SV2C: variants seen among roughly 807,000 people sequenced by gnomAD.
SV2C encodes synaptic vesicle glycoprotein 2C, also known as solute carrier family 22 member B3.
Under a neutral mutation model 79.7 loss-of-function variants are expected in SV2C, and 49 were observed. That is an observed-to-expected ratio of 0.61 (90% CI 0.49 to 0.78). The LOEUF (loss-of-function observed/expected upper bound fraction) is 0.78, where lower values mean the gene tolerates loss of function less well. Ranked by LOEUF, SV2C falls within the 30% of genes least tolerant of loss-of-function variation. SV2C has a pLI of 0.00. For missense variants in SV2C, 833 were observed against 912.9 expected (o/e 0.91, Z 1.13); for synonymous variants, 334 against 333.2 (o/e 1.00, Z -0.03).
chr5:76,026,381 T>C, the SV2C span, among the ~76,000 whole-genome samples: 2 of 152,180 alleles, frequency 1.3e-5, no homozygotes, highest in Non-Finnish European at 1.5e-5. Flanking sequence ...CTATTGACCA[T>C]ACAAATAATT....
At chr5:76,173,713 G>T (rs749345751) in intron 2 of SV2C, 1 of 1,613,580 alleles carries the variant, frequency 6.2e-7, no homozygotes, top group Non-Finnish European at 8.5e-7. Context: ...GGTCATAAAA[G>T]ATCTCATTAA....
chr5:75,916,303 C>CCCCTTT, the SV2C span, among the ~76,000 whole-genome samples: 1 of 141,408 alleles, frequency 7.1e-6, no homozygotes, highest in African/African-American at 2.6e-5. Flanking sequence ...CCTTCCCCTT[C>CCCCTTT]CCCTTTCTCG....
At chr5:76,038,826 A>G in the SV2C span, among the ~76,000 whole-genome samples, 588 of 152,372 alleles carry the variant, frequency 3.9e-3, 4 homozygotes, top group Non-Finnish European at 4.3e-3. Flanking sequence ...GCTTCTTTGC[A>G]TTAATGAATA....
the SV2C span, among the ~76,000 whole-genome samples, chr5:76,059,471 T>A: frequency 6.9e-6 from 1 of 145,854 alleles, no homozygotes; most frequent in East Asian, 2.1e-4. Context: ...AGGAGTAGAT[T>A]CCATCTGAAG....
the SV2C span, among the ~76,000 whole-genome samples, chr5:75,955,539 A>T: frequency 6.8e-6 from 1 of 147,570 alleles, no homozygotes; most frequent in South Asian, 2.1e-4. Flanking sequence ...GCCAAAATTG[A>T]CAAATGGGAT....
chr5:76,109,733 C>T (rs1375772092), intron 1 of SV2C, among the ~76,000 whole-genome samples: 5 of 152,094 alleles, frequency 3.3e-5, no homozygotes, highest in African/African-American at 9.7e-5. Context: ...TGCTGGCCAC[C>T]GTGGGAAGCT....
At chr5:76,323,803 C>T (rs1748902141) in intron 12 of SV2C, among the ~76,000 whole-genome samples, 1 of 152,112 alleles carries the variant, frequency 6.6e-6, no homozygotes. Flanking sequence ...AACCAAACAC[C>T]GATTGTTCTC....
rs757626036 is a variant in SV2C at position 76,299,527 on chromosome 5, C to T, written c.1636+600C>T. Among the ~76,000 whole-genome samples, 3 of 152,226 alleles carry T rather than the reference C, an allele frequency of 2.0e-5. No individual in the cohort carries two copies. In the East Asian group the frequency reaches 5.8e-4, roughly 29 times the overall value. ...AACTAGTAATAACAGATGTTTGAAC[C>T]CAGATTTATTTGATTTCAAAGCCTG... On this transcript the variant is annotated intron_variant, in intron 10 of 12. Transcript: ENST00000502798.
At chr5:76,286,130 A>G (rs1390085041) in intron 6 of SV2C, among the ~76,000 whole-genome samples, 1 of 152,174 alleles carries the variant, frequency 6.6e-6, no homozygotes, top group Non-Finnish European at 1.5e-5. Flanking sequence ...ATGCCTATCT[A>G]GGACTCGAGG....
At chr5:76,048,999 G>GAAAGAAAGAAAGAAAGAAAGAA in the SV2C span, among the ~76,000 whole-genome samples, 1 of 86,308 alleles carries the variant, frequency 1.2e-5, no homozygotes, top group Non-Finnish European at 2.3e-5. Flanking sequence ...AAGAAAGAAA[G>GAAAGAAAGAAAGAAAGAAAGAA]AAAGAAAGAA....
chr5:76,015,736 A>T, the SV2C span, among the ~76,000 whole-genome samples: 2 of 152,306 alleles, frequency 1.3e-5, no homozygotes, highest in South Asian at 4.1e-4. Flanking sequence ...AATAAAATTT[A>T]ACAACATGCT....
rs1358850514 is a variant in SV2C at position 76,236,156 on chromosome 5, C to G, written c.913+26269C>G. On this transcript the variant is annotated intron_variant, in intron 4 of 12. Coordinates refer to ENST00000502798, the MANE Select transcript of SV2C (RefSeq NM_014979.4). ...CTAAGACAACTCTTTAGTTATCAAACAAAACTGGCTCTGTGGCACAATGGA... is the reference window on the plus strand; with the variant it reads ...CTAAGACAACTCTTTAGTTATCAAAGAAAACTGGCTCTGTGGCACAATGGA... Among the ~76,000 whole-genome samples, 6 of 152,186 alleles carry G rather than the reference C, an allele frequency of 3.9e-5. No homozygotes were observed. In the East Asian group the frequency reaches 1.2e-3, roughly 29 times the overall value.
intron 9 of SV2C, among the ~76,000 whole-genome samples, chr5:76,297,784 T>C (rs1351869557): frequency 1.3e-5 from 2 of 152,196 alleles, no homozygotes; most frequent in African/African-American, 4.8e-5. Context: ...AAGTACTCAA[T>C]AGTTAGTAAA....
chr5:76,024,371 G>A, the SV2C span, among the ~76,000 whole-genome samples: 2 of 152,142 alleles, frequency 1.3e-5, no homozygotes, highest in African/African-American at 4.8e-5. Context: ...GTGTCCCAAT[G>A]TTGCTTTGAT....
At chr5:76,108,496 G>A (rs987062632) in intron 1 of SV2C, among the ~76,000 whole-genome samples, 21 of 152,148 alleles carry the variant, frequency 1.4e-4, no homozygotes, top group Non-Finnish European at 1.9e-4. Context: ...CTGCTCTAAG[G>A]AAGTCTTTAA....
downstream of SV2C, among the ~76,000 whole-genome samples, chr5:76,336,144 G>T (rs566888472): frequency 8.2e-5 from 11 of 134,532 alleles, no homozygotes; most frequent in African/African-American, 2.2e-4. Flanking sequence ...CTGGCCTGGC[G>T]GGGGCTGACC....
intron 4 of SV2C, among the ~76,000 whole-genome samples, chr5:76,257,072 T>C (rs1350582320): frequency 6.6e-6 from 1 of 152,160 alleles, no homozygotes; most frequent in Non-Finnish European, 1.5e-5. Flanking sequence ...CATTTGCAGA[T>C]TTTAGAAACC....
At chr5:75,994,928 G>C in the SV2C span, among the ~76,000 whole-genome samples, 21 of 152,130 alleles carry the variant, frequency 1.4e-4, no homozygotes, top group Non-Finnish European at 3.1e-4. Context: ...GAGAGCCAAG[G>C]GGAATCAATG....
intron 1 of SV2C, among the ~76,000 whole-genome samples, chr5:76,085,695 G>GA (rs1747165936): frequency 6.6e-6 from 1 of 152,070 alleles, no homozygotes; most frequent in African/African-American, 2.4e-5. Flanking sequence ...TGAGAATTGT[G>GA]AAAAATAGCT....
Sources: allele counts gnomAD v4.1 joint callset (sites outside exome capture counted in the v4.1 genomes callset), GRCh38; gene constraint gnomAD v4.1.1; transcripts MANE v1.5; gene names NCBI Gene and HGNC (gene_info 2026-07-23, HGNC 2026-07-21).